The following CTNNA2 variants were observed in gnomAD, a reference collection of about 807,000 sequenced individuals.
CTNNA2 encodes catenin alpha 2, also known as catenin alpha-2.
CTNNA2 carries 42 observed loss-of-function variants against 101.0 expected under a neutral mutation model. The ratio of observed to expected loss-of-function variants is 0.42; its 90% CI spans 0.32 to 0.54. The LOEUF is 0.54. Among genes scored for constraint, CTNNA2 ranks in the 20% least tolerant of loss-of-function variants. CTNNA2 has a pLI of 0.14. For synonymous variants in CTNNA2, 450 were observed against 456.4 expected, an observed-to-expected ratio of 0.99 and a Z score of 0.18; for missense variants, 871 against 1,223.1, an observed-to-expected ratio of 0.71 and a Z score of 4.29.
intron 18 of CTNNA2, among the ~76,000 whole-genome samples, chr2:80,638,858 G>A (rs1405986887): frequency 6.6e-6 from 1 of 152,186 alleles, no homozygotes; most frequent in Non-Finnish European, 1.5e-5. Flanking sequence ...TTACCAAAGA[G>A]CCAAGTGGTA....
chr2:79,699,005 A>C (rs1179292601), intron 2 of CTNNA2, among the ~76,000 whole-genome samples: 2 of 152,094 alleles, frequency 1.3e-5, no homozygotes, highest in East Asian at 3.9e-4. Flanking sequence ...AGTGGTGACC[A>C]GGATTTTTGG....
chr2:79,255,408 A>G (rs1309025506), intron 2 of CTNNA2, among the ~76,000 whole-genome samples: 2 of 152,240 alleles, frequency 1.3e-5, no homozygotes, highest in African/African-American at 4.8e-5. Context: ...TATACATGGT[A>G]CATTACTGGT....
chr2:79,495,743 T>A (rs75417940), intron 4 of CTNNA2, among the ~76,000 whole-genome samples: 2,950 of 152,172 alleles, frequency 0.019, 124 homozygotes, highest in East Asian at 0.15. Flanking sequence ...ATGTGGTATA[T>A]CCAGAAAAAG....
At chr2:79,465,905 A>G (rs146220374) in intron 4 of CTNNA2, among the ~76,000 whole-genome samples, 269 of 152,250 alleles carry the variant, frequency 1.8e-3, no homozygotes, top group African/African-American at 5.9e-3. Flanking sequence ...GGTTTTCTAA[A>G]TATACAATCA....
At chr2:79,339,088 TG>T (rs1168348379) in intron 3 of CTNNA2, among the ~76,000 whole-genome samples, 1 of 152,064 alleles carries the variant, frequency 6.6e-6, no homozygotes, top group Non-Finnish European at 1.5e-5. Context: ...GTGGAGAAGT[TG>T]CCCAAAGCCA....
chr2:80,101,040 C>G (rs901077779), intron 7 of CTNNA2, among the ~76,000 whole-genome samples: 3 of 152,090 alleles, frequency 2.0e-5, no homozygotes, highest in Non-Finnish European at 4.4e-5. Context: ...GGACTTCTGG[C>G]TGTTGTAAGT....
chr2:79,931,027 A>G (rs1687404549), intron 7 of CTNNA2, among the ~76,000 whole-genome samples: 2 of 152,208 alleles, frequency 1.3e-5, no homozygotes, highest in South Asian at 4.1e-4. Context: ...GATTTTTTTT[A>G]TATCTGGTGA....
intron 2 of CTNNA2, among the ~76,000 whole-genome samples, chr2:79,287,122 C>T (rs1297657037): frequency 1.3e-5 from 2 of 151,978 alleles, no homozygotes; most frequent in African/African-American, 4.8e-5. Flanking sequence ...CCTTTAAGCA[C>T]TTCTCTGTAT....
In CTNNA2 at chr2:79,665,789, A is replaced by G. The variant is rs144267983; in HGVS notation, c.102+14131A>G. Among the ~76,000 whole-genome samples the G allele has an allele frequency of 3.5e-3, 535 of 152,334 alleles. 12 individuals are homozygous for G. In the East Asian group the frequency reaches 0.047, roughly 14 times the overall value. On this transcript the variant is annotated intron_variant, in intron 2 of 18. Coordinates refer to ENST00000402739, the MANE Select transcript of CTNNA2 (RefSeq NM_001282597.3). Reference sequence around the variant, plus strand: ...GCTTAGAAAAAGGAAAGAGTAGGAAACACACTTTATTTTTTATTTTTAGAA... The same window carrying G: ...GCTTAGAAAAAGGAAAGAGTAGGAAGCACACTTTATTTTTTATTTTTAGAA...
At chr2:79,320,367 C>T (rs1676591600) in intron 3 of CTNNA2, among the ~76,000 whole-genome samples, 2 of 150,568 alleles carry the variant, frequency 1.3e-5, no homozygotes, top group Non-Finnish European at 1.5e-5. Flanking sequence ...GTTAGCTTTC[C>T]ATGGGACTTA....
intron 1 of CTNNA2, among the ~76,000 whole-genome samples, chr2:79,590,405 A>G (rs1188538139): frequency 6.6e-6 from 1 of 152,200 alleles, no homozygotes; most frequent in Admixed American, 6.5e-5. Context: ...TTTAGTCTAT[A>G]GAATATCTTC....
intron 1 of CTNNA2, among the ~76,000 whole-genome samples, chr2:79,615,743 G>C (rs969001458): frequency 2.0e-5 from 3 of 152,150 alleles, no homozygotes; most frequent in African/African-American, 7.2e-5. Context: ...CTGGCCATGT[G>C]CCTTCCTGTC....
chr2:80,132,794 T>G (rs1219711510), intron 7 of CTNNA2, among the ~76,000 whole-genome samples: 2 of 152,186 alleles, frequency 1.3e-5, no homozygotes, highest in Non-Finnish European at 2.9e-5. Flanking sequence ...ATTTGACATG[T>G]TCTATAGAAA....
At chr2:79,621,497 A>C (rs952985682) in intron 1 of CTNNA2, among the ~76,000 whole-genome samples, 1 of 152,180 alleles carries the variant, frequency 6.6e-6, no homozygotes, top group Admixed American at 6.5e-5. Flanking sequence ...CCCAGTGGCA[A>C]AGCTGGGACA....
chr2:80,214,216 A>T (rs1188247529), intron 7 of CTNNA2, among the ~76,000 whole-genome samples: 1 of 152,106 alleles, frequency 6.6e-6, no homozygotes, highest in Admixed American at 6.6e-5. Context: ...ATTTACATTT[A>T]AGGTTAATAT....
At chr2:80,181,254 G>T (rs1349554574) in intron 7 of CTNNA2, among the ~76,000 whole-genome samples, 2 of 152,148 alleles carry the variant, frequency 1.3e-5, no homozygotes, top group African/African-American at 4.8e-5. Context: ...AGGCAGTACA[G>T]GATTAATCTC....
intron 7 of CTNNA2, among the ~76,000 whole-genome samples, chr2:80,161,107 T>C (rs2148944973): frequency 6.6e-6 from 1 of 152,306 alleles, no homozygotes; most frequent in East Asian, 1.9e-4. Flanking sequence ...TGCAGGGATG[T>C]GATCTTGGCT....
At chr2:80,253,647 T>G (rs1671930862) in intron 7 of CTNNA2, among the ~76,000 whole-genome samples, 1 of 152,200 alleles carries the variant, frequency 6.6e-6, no homozygotes, top group Non-Finnish European at 1.5e-5. Flanking sequence ...TTTGCAAACT[T>G]CCTCAATCAA....
intron 1 of CTNNA2, among the ~76,000 whole-genome samples, chr2:79,604,214 G>C (rs1677735188): frequency 6.6e-6 from 1 of 152,192 alleles, no homozygotes; most frequent in South Asian, 2.1e-4. Context: ...TATCACTTTT[G>C]CACCATCTTA....
Sources: gnomAD v4.1 joint callset for allele counts (sites outside exome capture counted in the v4.1 genomes callset) on GRCh38, gnomAD v4.1.1 for gene constraint, MANE v1.5 for transcripts, NCBI Gene and HGNC (gene_info 2026-07-23, HGNC 2026-07-21) for gene names.